DOCK4: variants seen among roughly 807,000 people sequenced by gnomAD.
DOCK4 encodes dedicator of cytokinesis protein 4.
DOCK4 carries 97 observed loss-of-function variants against 268.1 expected under a neutral mutation model. The ratio of observed to expected loss-of-function variants is 0.36; its 90% CI spans 0.31 to 0.43. The LOEUF (loss-of-function observed/expected upper bound fraction) is 0.43, where lower values mean the gene tolerates loss of function less well. Ranked by LOEUF, DOCK4 falls within the 20% of genes least tolerant of loss-of-function variation. The pLI is 1.00. For synonymous variants in DOCK4, 954 were observed against 887.2 expected (o/e 1.08, Z -1.34); for missense variants, 2,145 against 2,455.7 (o/e 0.87, Z 2.67).
At chr7:112,156,006 T>C (rs969962323) in intron 1 of DOCK4, among the ~76,000 whole-genome samples, 2 of 152,180 alleles carry the variant, frequency 1.3e-5, no homozygotes, top group African/African-American at 4.8e-5. Context: ...ACGACCTCAC[T>C]CCACACAGGA....
At chr7:111,943,840 G>GT (rs1219345268) in intron 10 of DOCK4, among the ~76,000 whole-genome samples, 2 of 152,146 alleles carry the variant, frequency 1.3e-5, no homozygotes, top group Non-Finnish European at 2.9e-5. Flanking sequence ...ATAAAAGTAT[G>GT]TTTTTTATAG....
intron 1 of DOCK4, among the ~76,000 whole-genome samples, chr7:112,032,571 G>C (rs987296007): frequency 1.2e-4 from 18 of 151,994 alleles, no homozygotes; most frequent in African/African-American, 3.9e-4. Flanking sequence ...CTGTCTTATT[G>C]TGAATTCCTC....
chr7:112,000,525 CTG>C lies in DOCK4; in HGVS notation c.129_130del (p.Tyr43Ter). 6.5e-7 allele frequency: 1 copy of C among 1,548,104 alleles called. No individual in the cohort carries two copies. The highest frequency in any genetic ancestry group is 8.8e-7 in the Non-Finnish European group (1 of 1,139,218). On this transcript the variant is annotated stop_gained and frameshift_variant, in exon 3 of 53. Transcript: ENST00000428084. LOFTEE classifies it high-confidence loss of function. ...ATTTGGGTTTTTTAAGGCAAATCCT[CTG>C]TACCAGCCTGTGGAAAAATAATCAT...
chr7:112,203,565 A>T lies in DOCK4; in HGVS notation c.37+2537T>A, dbSNP rs777879764. Among the ~76,000 whole-genome samples the T allele has an allele frequency of 2.0e-4, 30 of 152,302 alleles. No individual in the cohort carries two copies. In the Middle Eastern group the frequency reaches 0.014, roughly 69 times the overall value. On this transcript the variant is annotated intron_variant, in intron 1 of 52. Transcript: ENST00000428084. ...GTACCTTTGCAGAAATATATAATTT[A>T]TACTAAAACGTCACATATTCTGTTA... is the stretch of plus-strand genomic sequence containing the variant.
At chr7:111,826,493 C>T (rs1196515588) in intron 26 of DOCK4, among the ~76,000 whole-genome samples, 5 of 151,968 alleles carry the variant, frequency 3.3e-5, no homozygotes, top group East Asian at 1.9e-4. Context: ...AAGAAAGACA[C>T]AAGACAGGAT....
intron 41 of DOCK4, among the ~76,000 whole-genome samples, chr7:111,757,660 C>T (rs1424422812): frequency 1.3e-5 from 2 of 152,098 alleles, no homozygotes; most frequent in East Asian, 3.9e-4. Flanking sequence ...CTCTGCAAAA[C>T]CTTCCCCTTC....
intron 37 of DOCK4, 144 bp downstream of exon 37, chr7:111,769,385 C>T: frequency 9.6e-7 from 1 of 1,037,658 alleles, no homozygotes; most frequent in African/African-American, 1.6e-5. Context: ...TGCATTTTAA[C>T]AAGCTTTTGG....
intron 1 of DOCK4, among the ~76,000 whole-genome samples, chr7:112,075,773 T>C (rs567102413): frequency 1.3e-4 from 19 of 151,986 alleles, no homozygotes; most frequent in Non-Finnish European, 1.8e-4. Flanking sequence ...CTAAACTTTG[T>C]CCTTATTTAA....
At chr7:111,814,043 G>A (rs1563540763) in intron 27 of DOCK4, among the ~76,000 whole-genome samples, 1 of 152,152 alleles carries the variant, frequency 6.6e-6, no homozygotes, top group Admixed American at 6.5e-5. Flanking sequence ...TCACCTTGTG[G>A]TCCACAGTTT....
At chr7:112,092,113 C>T (rs1281043825) in intron 1 of DOCK4, among the ~76,000 whole-genome samples, 1 of 152,174 alleles carries the variant, frequency 6.6e-6, no homozygotes, top group East Asian at 1.9e-4. Context: ...CAATATCCCA[C>T]ACCCCCACCC....
chr7:112,036,105 C>T (rs988914198), intron 1 of DOCK4, among the ~76,000 whole-genome samples: 4 of 151,640 alleles, frequency 2.6e-5, no homozygotes, highest in Non-Finnish European at 4.4e-5. Context: ...CAGGTATGAC[C>T]CAAGAATATT....
chr7:111,730,245 T>A (rs1014951565), intron 52 of DOCK4, among the ~76,000 whole-genome samples: 3 of 152,214 alleles, frequency 2.0e-5, no homozygotes, highest in Non-Finnish European at 4.4e-5. Flanking sequence ...GTATACTCCT[T>A]GTGTATATTC....
At chr7:111,939,862 A>G (rs1369817281) in intron 11 of DOCK4, among the ~76,000 whole-genome samples, 4 of 152,258 alleles carry the variant, frequency 2.6e-5, no homozygotes, top group Non-Finnish European at 5.9e-5. Flanking sequence ...GGTATCCCAC[A>G]TAGTAGACGG....
intron 7 of DOCK4, among the ~76,000 whole-genome samples, chr7:111,983,860 GCGCACACACA>G (rs1486853364): frequency 7.8e-6 from 1 of 128,844 alleles, no homozygotes; most frequent in Non-Finnish European, 1.6e-5. Context: ...GCGCGCGCGC[GCGCACACACA>G]CACACACACA....
rs867932897 is a variant in DOCK4 at position 112,046,874 on chromosome 7, G to T, written c.38-42743C>A. Among the ~76,000 whole-genome samples the T allele has an allele frequency of 2.9e-4, 44 of 152,286 alleles. 1 individual carries two copies. In the Middle Eastern group the frequency reaches 0.034, roughly 118 times the overall value. ...AACTCCCTGAGCTGAGAGAAAAAGA[G>T]TTGGGAGTCTGAGGGGACCAAGGCA... On this transcript the variant is annotated intron_variant, in intron 1 of 52. Coordinates refer to ENST00000428084, the MANE Select transcript of DOCK4 (RefSeq NM_001363540.2).
intron 8 of DOCK4, among the ~76,000 whole-genome samples, chr7:111,950,748 A>T (rs1054588136): frequency 2.0e-5 from 3 of 152,198 alleles, no homozygotes; most frequent in Non-Finnish European, 2.9e-5. Flanking sequence ...CTGACTCGAG[A>T]TTCTCATATT....
intron 1 of DOCK4, among the ~76,000 whole-genome samples, chr7:112,025,838 C>G (rs1802736380): frequency 6.6e-6 from 1 of 152,142 alleles, no homozygotes; most frequent in Non-Finnish European, 1.5e-5. Flanking sequence ...CAGCCCCATT[C>G]ACTGTTTGAT....
chr7:112,131,340 G>A (rs952482344), intron 1 of DOCK4, among the ~76,000 whole-genome samples: 2 of 152,160 alleles, frequency 1.3e-5, no homozygotes, highest in Non-Finnish European at 2.9e-5. Context: ...AAGGAGGCAA[G>A]CAATTCAGCC....
intron 9 of DOCK4, 146 bp from the exon 10 acceptor site, chr7:111,945,017 C>A (rs1267978826): frequency 5.6e-6 from 4 of 708,498 alleles, no homozygotes; most frequent in Non-Finnish European, 7.5e-6. Context: ...TGATTTAAAT[C>A]CTGTTCTAAA....
Sources: gnomAD v4.1 joint callset for allele counts (sites outside exome capture counted in the v4.1 genomes callset) on GRCh38, gnomAD v4.1.1 for gene constraint, MANE v1.5 for transcripts, NCBI Gene and HGNC (gene_info 2026-07-23, HGNC 2026-07-21) for gene names.